ERI3: variants seen among roughly 807,000 people sequenced by gnomAD.
ERI3 encodes ERI1 exoribonuclease 3.
ERI3 carries 18 observed loss-of-function variants against 44.4 expected under a neutral mutation model. The ratio of observed to expected loss-of-function variants is 0.41; its 90% CI spans 0.28 to 0.60. ERI3 has a LOEUF of 0.60. ERI3 is among the 20% of genes least tolerant of loss of function. The pLI is 0.36. For synonymous variants in ERI3, 183 were observed against 164.8 expected (o/e 1.11, Z -0.84); for missense variants, 294 against 435.5 (o/e 0.68, Z 2.89).
chr1:44,306,663 G>A (rs544455618), intron 6 of ERI3, among the ~76,000 whole-genome samples: 7 of 152,332 alleles, frequency 4.6e-5, no homozygotes, highest in African/African-American at 7.2e-5. Context: ...CCTCATGCAC[G>A]GGAAAGTTTT....
rs764438764 is a variant in ERI3, at chr1:44,265,146, G to A, written c.832-17108C>T. Among the ~76,000 whole-genome samples the A allele has an allele frequency of 9.2e-5, 5 of 54,236 alleles. No homozygotes were observed. In the African/African-American group the frequency reaches 1.1e-3, roughly 12 times the overall value. The allele number at this position is 54,236 out of a possible 152,430, so 35.6% of individuals were successfully genotyped here. A position where few individuals can be genotyped will look rare whatever the true frequency, so the allele number is the denominator to read the frequency against. ...AAACAATTCAGAGGCCCCCAGAAGC[G>A]GGAAGGAGAACAAGTGGAGTCAGTG... On this transcript the variant is annotated intron_variant, in intron 7 of 8. Transcript: ENST00000372257.
chr1:44,264,722 C>G (rs1472542654), intron 7 of ERI3, among the ~76,000 whole-genome samples: 2 of 152,188 alleles, frequency 1.3e-5, no homozygotes, highest in Non-Finnish European at 2.9e-5. Flanking sequence ...CCTTCCAAAT[C>G]AGCTGATTAT....
chr1:44,279,812 T>C (rs1424108350), intron 7 of ERI3, among the ~76,000 whole-genome samples: 1 of 152,212 alleles, frequency 6.6e-6, no homozygotes, highest in African/African-American at 2.4e-5. Flanking sequence ...GCTACTATAA[T>C]ACTCTTTGAA....
In ERI3 at chr1:44,221,331, T is replaced by C; in HGVS notation, c.*227A>G. On this transcript the variant is annotated 3_prime_UTR_variant, in exon 9 of 9. Coordinates refer to ENST00000372257, the MANE Select transcript of ERI3 (RefSeq NM_024066.3). This position sits in a 1 kb window ranked among gnomAD's most constrained non-coding sequence, Gnocchi z 5.9. Reference sequence around the variant, plus strand: ...GGGAGGGGCTGATACTGGGCTGAGATTGAGGGGTGGGGATGGGGGGCACAA... The same window carrying C: ...GGGAGGGGCTGATACTGGGCTGAGACTGAGGGGTGGGGATGGGGGGCACAA... 2 of 549,508 alleles carry C rather than the reference T, an allele frequency of 3.6e-6. No individual in the cohort carries two copies. The highest frequency in any genetic ancestry group is 2.2e-5 in the South Asian group (1 of 46,510). The allele number at this position is 549,508 out of a possible 1,614,324, so 34.0% of individuals were successfully genotyped here. A position where few individuals can be genotyped will look rare whatever the true frequency, so the allele number is the denominator to read the frequency against.
chr1:44,272,402 T>A (rs532256253), intron 7 of ERI3, among the ~76,000 whole-genome samples: 1 of 152,318 alleles, frequency 6.6e-6, no homozygotes, highest in South Asian at 2.1e-4. Flanking sequence ...AAGCTCTTCC[T>A]TTGCACAGCA....
intron 3 of ERI3, 144 bp from the exon 4 acceptor site, chr1:44,319,888 T>C: frequency 3.1e-6 from 2 of 648,598 alleles, no homozygotes; most frequent in Non-Finnish European, 2.8e-6. Context: ...AAACCCAAGA[T>C]TGAGTGAGAC....
intron 8 of ERI3, among the ~76,000 whole-genome samples, chr1:44,229,873 C>T (rs1644136213): frequency 6.6e-6 from 1 of 152,182 alleles, no homozygotes; most frequent in South Asian, 2.1e-4. Flanking sequence ...AAGGAGGAGA[C>T]TGAGGCAGTC....
chr1:44,233,023 C>T (rs957350015), intron 8 of ERI3, among the ~76,000 whole-genome samples: 14 of 152,122 alleles, frequency 9.2e-5, no homozygotes, highest in African/African-American at 3.4e-4. Flanking sequence ...TTCCTTGTCA[C>T]CCTTGCCTGG....
chr1:44,232,530 A>C (rs1203103217), intron 8 of ERI3, among the ~76,000 whole-genome samples: 1 of 151,388 alleles, frequency 6.6e-6, no homozygotes, highest in East Asian at 1.9e-4. Context: ...TCATCAGACT[A>C]TTCAGACTTC....
intron 5 of ERI3, among the ~76,000 whole-genome samples, chr1:44,310,964 C>T (rs1271563078): frequency 4.4e-4 from 6 of 13,652 alleles, no homozygotes; most frequent in South Asian, 6.1e-3. Context: ...CGCGCGCGCG[C>T]ACACACACAC....
intron 3 of ERI3, among the ~76,000 whole-genome samples, chr1:44,320,696 T>C (rs1315808138): frequency 1.3e-5 from 2 of 152,164 alleles, no homozygotes; most frequent in African/African-American, 4.8e-5. Context: ...AAAGCTAACA[T>C]TTTTACCACT....
chr1:44,259,910 GA>G (rs1644858861), intron 7 of ERI3, among the ~76,000 whole-genome samples: 1 of 150,288 alleles, frequency 6.7e-6, no homozygotes, highest in Non-Finnish European at 1.5e-5. Flanking sequence ...TAGATAGATA[GA>G]TAGATAGATA....
chr1:44,342,867 T>G (rs1452702654), intron 2 of ERI3, among the ~76,000 whole-genome samples: 1 of 36,446 alleles, frequency 2.7e-5, no homozygotes, highest in Non-Finnish European at 6.2e-5. Context: ...ATTTTTTTTT[T>G]TTTTTTTTTT....
intron 7 of ERI3, among the ~76,000 whole-genome samples, chr1:44,248,733 G>C (rs1299665247): frequency 6.6e-6 from 1 of 151,982 alleles, no homozygotes; most frequent in Non-Finnish European, 1.5e-5. Context: ...GTGTGGTAGG[G>C]GGAGCAGATG....
intron 6 of ERI3, among the ~76,000 whole-genome samples, chr1:44,304,323 A>G (rs1238962052): frequency 1.3e-5 from 2 of 152,214 alleles, no homozygotes; most frequent in Non-Finnish European, 2.9e-5. Flanking sequence ...AATAAACAGA[A>G]AAGACAACCA....
At chr1:44,340,149 CAAAA>C (rs35880098) in intron 2 of ERI3, among the ~76,000 whole-genome samples, 4 of 121,092 alleles carry the variant, frequency 3.3e-5, no homozygotes, top group Non-Finnish European at 5.3e-5. Context: ...TGAACATGTG[CAAAA>C]AAAAAAAAAA....
chr1:44,320,418 T>C (rs1482712765), intron 3 of ERI3, among the ~76,000 whole-genome samples: 1 of 152,162 alleles, frequency 6.6e-6, no homozygotes, highest in African/African-American at 2.4e-5. Context: ...ACAATTTGTT[T>C]GGTGTCTCTA....
chr1:44,240,888 C>T (rs1014314053), intron 8 of ERI3, among the ~76,000 whole-genome samples: 1 of 152,214 alleles, frequency 6.6e-6, no homozygotes, highest in Non-Finnish European at 1.5e-5. Flanking sequence ...GAGGACAGAG[C>T]ACCTATGCTG....
chr1:44,279,094 T>C (rs1645236859), intron 7 of ERI3, among the ~76,000 whole-genome samples: 1 of 152,230 alleles, frequency 6.6e-6, no homozygotes, highest in African/African-American at 2.4e-5. Flanking sequence ...TTTTTGACTA[T>C]TCCTTCTGTA....
Sources: allele counts gnomAD v4.1 joint callset (sites outside exome capture counted in the v4.1 genomes callset), GRCh38; gene constraint gnomAD v4.1.1; non-coding constraint Gnocchi (gnomAD v3.1); transcripts MANE v1.5; gene names NCBI Gene and HGNC (gene_info 2026-07-23, HGNC 2026-07-21).